Variants in MEF2C observed in about 807,000 individuals in gnomAD.
MEF2C encodes myocyte-specific enhancer factor 2C.
A neutral mutation model predicts 50.5 loss-of-function variants in MEF2C; 6 were observed. The ratio of observed to expected loss-of-function variants is 0.12; its 90% CI spans 0.07 to 0.23. The LOEUF (loss-of-function observed/expected upper bound fraction) is 0.23. Among genes scored for constraint, MEF2C ranks in the 10% least tolerant of loss-of-function variants. The probability of loss-of-function intolerance (pLI) is 1.00; values close to 1 mark genes in which losing one functional copy is unlikely to be tolerated. For synonymous variants in MEF2C, 183 were observed against 228.0 expected, an observed-to-expected ratio of 0.80 and a Z score of 1.78; for missense variants, 276 against 605.0, an observed-to-expected ratio of 0.46 and a Z score of 5.70.
In MEF2C at chr5:88,766,910, C is replaced by T. The variant is rs1780307253; in HGVS notation, c.259-5582G>A. On this transcript the variant is annotated intron_variant, in intron 3 of 10. Coordinates refer to ENST00000504921, the MANE Select transcript of MEF2C (RefSeq NM_002397.5). ...GAATCATTTTTTTGCTTGTCGTTCACAGCTTTATGAAGATAAGTATCTACT... is the reference window on the plus strand; with the variant it reads ...GAATCATTTTTTTGCTTGTCGTTCATAGCTTTATGAAGATAAGTATCTACT... The T allele has an allele frequency of 1.0e-5, 7 of 676,998 alleles. No homozygotes were observed. The South Asian group carries it at 4.7e-4, about 45-fold the overall frequency. 41.9% of individuals were successfully genotyped at this position (676,998 alleles called of 1,614,324 possible). A position where few individuals can be genotyped will look rare whatever the true frequency, so the allele number is the denominator to read the frequency against.
intron 2 of MEF2C, among the ~76,000 whole-genome samples, chr5:88,812,724 CAA>C (rs1380118291): frequency 6.6e-6 from 1 of 152,064 alleles, no homozygotes; most frequent in Non-Finnish European, 1.5e-5. Context: ...ATACCGTAAA[CAA>C]AGACATGAAT....
At chr5:88,726,388 T>TA (rs1324769179) in intron 10 of MEF2C, among the ~76,000 whole-genome samples, 1 of 152,158 alleles carries the variant, frequency 6.6e-6, no homozygotes, top group Non-Finnish European at 1.5e-5. Context: ...TTTACATAAG[T>TA]ATTGCAGCTT....
intron 1 of MEF2C, among the ~76,000 whole-genome samples, chr5:88,870,162 C>T (rs188580241): frequency 9.6e-4 from 145 of 151,546 alleles, no homozygotes; most frequent in South Asian, 5.9e-3. Context: ...TTTAAACAAT[C>T]CTATAAAAAT....
In MEF2C at chr5:88,731,729, C is replaced by A; in HGVS notation, c.810G>T (p.Val270=). The A allele has an allele frequency of 6.2e-7, 1 of 1,612,208 alleles. No homozygotes were observed. Among genetic ancestry groups the A allele is most frequent in the Non-Finnish European group, 8.5e-7 (1 of 1,178,634 alleles). ...TATTTAAAATGTAGTTTTGTATTACCACTGATGGCATCGTATTCTTGCTGC... is the reference window on the plus strand; with the variant it reads ...TATTTAAAATGTAGTTTTGTATTACAACTGATGGCATCGTATTCTTGCTGC... The part of the protein sequence containing the change: ...PPGSKNTMPS[V]SEDVDLLLNQ... The change falls in exon 7 of 11, where the codon GTG becomes GTT. Residue 270 remains valine, a splice_region_variant and synonymous_variant. Transcript: ENST00000504921.
intron 3 of MEF2C, among the ~76,000 whole-genome samples, chr5:88,803,996 A>T (rs1209352237): frequency 1.7e-4 from 26 of 152,270 alleles, no homozygotes; most frequent in Non-Finnish European, 1.5e-5. Flanking sequence ...TTTTCATCTG[A>T]TTTCTGATTC....
At chr5:88,881,144 G>A (rs1832704398) in intron 1 of MEF2C, 2 of 152,126 alleles carry the variant, frequency 1.3e-5, no homozygotes, top group African/African-American at 4.8e-5. Flanking sequence ...TTTGACGGGA[G>A]AACCAAATTT....
intron 1 of MEF2C, among the ~76,000 whole-genome samples, chr5:88,866,650 AT>A (rs1212528194): frequency 6.6e-6 from 1 of 152,268 alleles, no homozygotes; most frequent in East Asian, 1.9e-4. Context: ...CACTTGATGA[AT>A]AAACTTGATA....
chr5:88,814,169 C>G (rs1221186030), intron 2 of MEF2C, among the ~76,000 whole-genome samples: 2 of 152,152 alleles, frequency 1.3e-5, no homozygotes, highest in Admixed American at 6.6e-5. Context: ...GCTCTTTCTC[C>G]ACCTCCCTTG....
chr5:88,891,393 CTTTTT>C (rs771799863), intron 1 of MEF2C, among the ~76,000 whole-genome samples: 3 of 104,886 alleles, frequency 2.9e-5, no homozygotes, highest in Non-Finnish European at 5.5e-5. Flanking sequence ...ACCAACCAAC[CTTTTT>C]TTTTTTTTTT....
chr5:88,779,380 T>C (rs1257311819), intron 3 of MEF2C, among the ~76,000 whole-genome samples: 1 of 151,958 alleles, frequency 6.6e-6, no homozygotes, highest in African/African-American at 2.4e-5. Context: ...GAATGAAGCA[T>C]GAGGTTAAGG....
chr5:88,879,643 C>T (rs990756833), intron 1 of MEF2C, among the ~76,000 whole-genome samples: 6 of 152,008 alleles, frequency 3.9e-5, no homozygotes, highest in Non-Finnish European at 8.8e-5. Context: ...ATACCTGCTT[C>T]ATGTAAGCAG....
intron 10 of MEF2C, among the ~76,000 whole-genome samples, chr5:88,726,245 T>C (rs1281301033): frequency 6.6e-6 from 1 of 152,152 alleles, no homozygotes; most frequent in African/African-American, 2.4e-5. Context: ...CACTCTGCTA[T>C]GAACATTGTC....
intron 1 of MEF2C, among the ~76,000 whole-genome samples, chr5:88,874,202 T>A (rs1830405745): frequency 6.6e-6 from 1 of 151,982 alleles, no homozygotes; most frequent in Admixed American, 6.6e-5. Context: ...GGTATAGTTT[T>A]ATCATACTTA....
chr5:88,884,471 AAAT>A (rs1833809795), upstream of MEF2C: 1 of 152,202 alleles, frequency 6.6e-6, no homozygotes, highest in Non-Finnish European at 1.5e-5. Flanking sequence ...GTAATGTACG[AAAT>A]AATAAAATAA....
At chr5:88,731,622 AT>A in intron 7 of MEF2C, 106 bp downstream of exon 7, 1 of 1,050,026 alleles carries the variant, frequency 9.5e-7, no homozygotes. Flanking sequence ...TGTTATGTTA[AT>A]TTTCTGGGAG....
chr5:88,845,722 G>T (rs1172817191), intron 1 of MEF2C, among the ~76,000 whole-genome samples: 1 of 152,040 alleles, frequency 6.6e-6, no homozygotes, highest in Non-Finnish European at 1.5e-5. Context: ...AATTTTAAAT[G>T]GTAATAACAC....
rs1160442617 is a variant in MEF2C at position 88,720,779 on chromosome 5, C to A, written c.*1825G>T. 7.8e-6 allele frequency: 1 copy of A among 128,452 alleles called. No individual in the cohort carries two copies. The highest frequency in any genetic ancestry group is 2.7e-4 in the South Asian group (1 of 3,726). 8.0% of individuals were successfully genotyped at this position (128,452 alleles called of 1,614,324 possible). On this transcript the variant is annotated 3_prime_UTR_variant, in exon 11 of 11. Coordinates refer to ENST00000504921, the MANE Select transcript of MEF2C (RefSeq NM_002397.5). ...TAATCCCTTATAGACGAATATTAGA[C>A]AAGAGTCATTTTTTTTAAATTAAAA...
intron 3 of MEF2C, among the ~76,000 whole-genome samples, chr5:88,774,085 T>C (rs766756103): frequency 6.6e-6 from 1 of 152,126 alleles, no homozygotes; most frequent in South Asian, 2.1e-4. Flanking sequence ...TACTCTCTAG[T>C]GAACAAGAGG....
At chr5:88,724,492 T>A (rs1273905667) in intron 10 of MEF2C, among the ~76,000 whole-genome samples, 1 of 152,124 alleles carries the variant, frequency 6.6e-6, no homozygotes, top group Non-Finnish European at 1.5e-5. Flanking sequence ...TTTGTTTCCT[T>A]AATAAGCGTC....
Sources: gnomAD v4.1 joint callset for allele counts (sites outside exome capture counted in the v4.1 genomes callset) on GRCh38, gnomAD v4.1.1 for gene constraint, MANE v1.5 for transcripts, NCBI Gene and HGNC (gene_info 2026-07-23, HGNC 2026-07-21) for gene names.